The following OR10R2 variants were observed in gnomAD, a reference collection of about 807,000 sequenced individuals.
OR10R2 encodes olfactory receptor 10R2.
In OR10R2, 1 loss-of-function variant was observed where a neutral mutation model predicts 2.4. The observed-to-expected ratio is 0.41, with a 90% CI of 0.15 to 1.95. The LOEUF (loss-of-function observed/expected upper bound fraction) is 1.95. Ranked by LOEUF, OR10R2 falls within the 30% of genes most tolerant of loss-of-function variation. The pLI, the probability that OR10R2 is intolerant of heterozygous loss-of-function variation, is 0.30. For synonymous variants in OR10R2, 166 were observed against 144.8 expected (o/e 1.15, Z -1.05); for missense variants, 419 against 373.0 (o/e 1.12, Z -1.01).
At chr1:158,480,773 C>G in exon 2 of OR10R2, 1 of 1,613,228 alleles carries the variant, frequency 6.2e-7, no homozygotes, top group South Asian at 1.1e-5. Context: ...GTGACATACA[C>G]GATTGTCACT....
intron 1 of OR10R2, among the ~76,000 whole-genome samples, chr1:158,473,549 C>T (rs1209971667): frequency 6.6e-6 from 1 of 152,064 alleles, no homozygotes; most frequent in Non-Finnish European, 1.5e-5. Flanking sequence ...GAGGATCTGC[C>T]CTAACACAGG....
At chr1:158,477,952 A>G (rs549960029) in intron 1 of OR10R2, among the ~76,000 whole-genome samples, 155 of 152,316 alleles carry the variant, frequency 1.0e-3, no homozygotes, top group African/African-American at 3.6e-3. Flanking sequence ...TGGTGCAAAT[A>G]CAGACACATA....
exon 2 of OR10R2, chr1:158,480,134 T>C (rs1656353439): frequency 6.2e-7 from 1 of 1,613,768 alleles, no homozygotes; most frequent in African/African-American, 1.3e-5. Flanking sequence ...CTTGGCATTC[T>C]CTCAACATCT....
chr1:158,477,852 T>C (rs1414553935), intron 1 of OR10R2, among the ~76,000 whole-genome samples: 1 of 151,960 alleles, frequency 6.6e-6, no homozygotes, highest in African/African-American at 2.4e-5. Context: ...CAAGTAACCC[T>C]AAAGAAAAAG....
chr1:158,480,058 G>A (rs1466255992), exon 2 of OR10R2: 2 of 1,613,876 alleles, frequency 1.2e-6, no homozygotes, highest in South Asian at 1.1e-5. Flanking sequence ...CATTCTTAGT[G>A]GCAATGTCAC....
chr1:158,472,408 A>T (rs1414254957), intron 1 of OR10R2, 56 bp downstream of exon 1: 1 of 398,904 alleles, frequency 2.5e-6, no homozygotes, highest in African/African-American at 2.1e-5. Flanking sequence ...GAAGATGTGT[A>T]ATATATTGGG....
At position 158,472,386 on chromosome 1, in the gene OR10R2, A is replaced by G. The variant is rs57645668; in HGVS notation, c.27+34A>G. On this transcript the variant is annotated intron_variant, in intron 1 of 1. Coordinates refer to ENST00000641067, the Ensembl canonical transcript of OR10R2. ...TTTGTTGCTGTCTTGAAAAATTTTA[A>G]GAGACTAGCAGGAAGATGTGTAATA... 3 of 399,020 alleles carry G rather than the reference A, an allele frequency of 7.5e-6. No homozygotes were observed. In the Admixed American group the frequency reaches 1.3e-4, roughly 18 times the overall value. 24.7% of individuals were successfully genotyped at this position (399,020 alleles called of 1,614,324 possible).
chr1:158,472,672 A>C (rs776758086), intron 1 of OR10R2, among the ~76,000 whole-genome samples: 1 of 152,194 alleles, frequency 6.6e-6, no homozygotes, highest in Non-Finnish European at 1.5e-5. Flanking sequence ...TTAATTCAGA[A>C]ATTGTTGAGA....
At chr1:158,480,936 G>A (rs781660482) in exon 2 of OR10R2, 56 of 855,950 alleles carry the variant, frequency 6.5e-5, no homozygotes, top group Non-Finnish European at 9.2e-5. Context: ...TTTATCACAA[G>A]CATATTATAA....
At chr1:158,479,806 G>A in intron 1 of OR10R2, 132 bp from the exon 2 acceptor site, 1 of 873,298 alleles carries the variant, frequency 1.1e-6, no homozygotes, top group Non-Finnish European at 1.8e-6. Flanking sequence ...ATGAGAGGTA[G>A]TTAGGAACCG....
At chr1:158,473,121 C>T (rs1656193807) in intron 1 of OR10R2, among the ~76,000 whole-genome samples, 1 of 152,152 alleles carries the variant, frequency 6.6e-6, no homozygotes, top group Non-Finnish European at 1.5e-5. Context: ...TTACCAACTA[C>T]ATGAAAAATA....
chr1:158,480,079 G>T, exon 2 of OR10R2: 2 of 1,613,780 alleles, frequency 1.2e-6, no homozygotes, highest in Non-Finnish European at 1.7e-6. Context: ...CATTATCAGT[G>T]TCATCCACCT....
rs543599307 is a variant in OR10R2, at chr1:158,477,689, G to A, written c.28-2249G>A. Among the ~76,000 whole-genome samples the A allele has an allele frequency of 2.6e-5, 4 of 152,248 alleles. No homozygotes were observed. In the East Asian group the frequency reaches 5.8e-4, roughly 22 times the overall value. On this transcript the variant is annotated intron_variant, in intron 1 of 1. Coordinates refer to ENST00000641067, the Ensembl canonical transcript of OR10R2. The stretch of plus-strand genomic sequence containing the variant: ...AAATGGAAAAACATTCCATACTCAT[G>A]AACTGGAATAATCAATATTGTTAAA...
At chr1:158,479,524 G>A (rs1262710017) in intron 1 of OR10R2, among the ~76,000 whole-genome samples, 4 of 152,044 alleles carry the variant, frequency 2.6e-5, no homozygotes, top group Non-Finnish European at 5.9e-5. Context: ...TTTGTTGCTT[G>A]TTGTAGTAGG....
Position 158,480,836 on chromosome 1 carries a change from C to T in OR10R2, c.926C>T (p.Ala309Val). The change falls in exon 2 of 2, where the codon GCT (alanine) becomes GTT (valine). Residue 309 changes from alanine to valine, a missense_variant. Coordinates refer to ENST00000641067, the Ensembl canonical transcript of OR10R2. ...CTCAGAAACAAGGATGTCCAACTTG[C>T]TATCAGAAAAGTGTTGGGCAAGAAA... 1 of 1,594,684 alleles carries T rather than the reference C, an allele frequency of 6.3e-7. No homozygotes were observed. Among genetic ancestry groups the T allele is most frequent in the Non-Finnish European group, 8.5e-7 (1 of 1,171,168 alleles).
exon 2 of OR10R2, chr1:158,480,238 A>G (rs1403344384): frequency 2.5e-6 from 4 of 1,613,876 alleles, no homozygotes; most frequent in East Asian, 4.5e-5. Flanking sequence ...TGCTCTTCAA[A>G]TGTTCTTCTT....
chr1:158,475,746 CTT>C (rs1436289293), intron 1 of OR10R2, among the ~76,000 whole-genome samples: 2 of 151,492 alleles, frequency 1.3e-5, no homozygotes, highest in African/African-American at 4.8e-5. Flanking sequence ...GCTTAATACT[CTT>C]TGATAATATC....
At chr1:158,474,269 C>T (rs1557875242) in intron 1 of OR10R2, among the ~76,000 whole-genome samples, 1 of 152,230 alleles carries the variant, frequency 6.6e-6, no homozygotes, top group East Asian at 1.9e-4. Context: ...CCCTGTATCT[C>T]TGCTGCCCAA....
At chr1:158,480,878 A>G (rs921314045) in exon 2 of OR10R2, 20 of 1,293,524 alleles carry the variant, frequency 1.5e-5, no homozygotes, top group Admixed American at 2.3e-5. Context: ...CTAAAACTAT[A>G]TAATTGAAAT....
Sources: allele counts gnomAD v4.1 joint callset (sites outside exome capture counted in the v4.1 genomes callset), GRCh38; gene constraint gnomAD v4.1.1; transcripts MANE v1.5; gene names NCBI Gene and HGNC (gene_info 2026-07-23, HGNC 2026-07-21).